CLGN: variants seen among roughly 807,000 people sequenced by gnomAD.
CLGN encodes the protein calmegin.
A neutral mutation model predicts 79.1 loss-of-function variants in CLGN; 62 were observed. That is an observed-to-expected ratio of 0.78 (90% confidence interval 0.64 to 0.97). The LOEUF is 0.97. Among genes scored for constraint, CLGN ranks in the 50% least tolerant of loss-of-function variants. The pLI, the probability that CLGN is intolerant of heterozygous loss-of-function variation, is 0.00. For missense variants in CLGN, 647 were observed against 715.5 expected (o/e 0.90, Z 1.09); for synonymous variants, 225 against 224.7 (o/e 1.00, Z -0.01).
rs752724334 is a variant in CLGN at position 140,394,061 on chromosome 4, A to C, written c.1150-20T>G. On this transcript the variant is annotated intron_variant, in intron 10 of 14. Coordinates refer to ENST00000325617, the MANE Select transcript of CLGN (RefSeq NM_004362.3). ...GATTCCCTGGAAGAAAAGTAATTGA[A>C]GACATTTTCAAATAAAATAACTTCA... is the stretch of plus-strand genomic sequence containing the variant. The C allele has an allele frequency of 3.9e-6, 6 of 1,542,068 alleles. No individual in the cohort carries two copies. Among genetic ancestry groups the C allele is most frequent in the Non-Finnish European group, 5.4e-6 (6 of 1,121,360 alleles).
rs143088078 is a variant in CLGN at position 140,400,435 on chromosome 4, C to A, written c.616G>T (p.Glu206Ter). Residue 206 changes from glutamate (E) to a stop codon, truncating the protein, a stop_gained, in exon 7 of 15, where the codon GAA becomes TAA. Transcript: ENST00000325617. LOFTEE classifies it high-confidence loss of function. ...TCTGGAGGTTTGGCATGTTTCTCTT[C>A]GAAAACTCCAGTTTTGGGATGTTTA... ...RHKHPKTGVFEEKHAKPPDVD... is the reference protein window; with the variant it reads ...RHKHPKTGVF 2 of 1,613,106 alleles carry A rather than the reference C, an allele frequency of 1.2e-6. No homozygotes were observed. The highest frequency in any genetic ancestry group is 1.7e-6 in the Non-Finnish European group (2 of 1,179,338).
At chr4:140,389,900 T>C (rs1728740936) in intron 14 of CLGN, among the ~76,000 whole-genome samples, 1 of 151,878 alleles carries the variant, frequency 6.6e-6, no homozygotes, top group South Asian at 2.1e-4. Context: ...ACTGTACTTT[T>C]ATCCTACCTA....
chr4:140,408,884 TAC>T (rs1553945585), intron 4 of CLGN, among the ~76,000 whole-genome samples: 1 of 145,556 alleles, frequency 6.9e-6, no homozygotes, highest in Admixed American at 6.9e-5. Context: ...TATATATATA[TAC>T]ACACACACAC....
At chr4:140,416,173 AC>A (rs1243361892) in intron 1 of CLGN, among the ~76,000 whole-genome samples, 1 of 36,330 alleles carries the variant, frequency 2.8e-5, no homozygotes, top group Non-Finnish European at 5.4e-5. Context: ...GACACAACAT[AC>A]CAGAATCTCT....
chr4:140,392,432 G>A (rs1400083635), intron 12 of CLGN, 54 bp from the exon 13 acceptor site: 2 of 1,529,998 alleles, frequency 1.3e-6, no homozygotes, highest in African/African-American at 2.8e-5. Flanking sequence ...TATTTTGAAA[G>A]TTTTTTTGCA....
At chr4:140,413,926 A>G (rs1169354474) in intron 1 of CLGN, among the ~76,000 whole-genome samples, 1 of 152,250 alleles carries the variant, frequency 6.6e-6, no homozygotes, top group East Asian at 1.9e-4. Context: ...ACAAAAAGAT[A>G]GCAGTAACCT....
chr4:140,399,045 G>A lies in CLGN; in HGVS notation c.695-5C>T. The A allele has an allele frequency of 6.3e-7, 1 of 1,590,978 alleles. No individual in the cohort carries two copies. Among genetic ancestry groups the A allele is most frequent in the Middle Eastern group, 1.7e-4 (1 of 5,964 alleles). ...ATGTGTCATCTGGATTCATCACTAA[G>A]GGACCAATTTAAATAAATTATAGTT... On this transcript the variant is annotated splice_region_variant and splice_polypyrimidine_tract_variant and intron_variant, in intron 7 of 14. Coordinates refer to ENST00000325617, the MANE Select transcript of CLGN (RefSeq NM_004362.3).
intron 5 of CLGN, 91 bp downstream of exon 5, chr4:140,405,851 T>A (rs1729096889): frequency 7.6e-7 from 1 of 1,307,192 alleles, no homozygotes; most frequent in African/African-American, 1.5e-5. Context: ...GATCTAGATT[T>A]TCACATCCAT....
chr4:140,408,633 T>C (rs1271208850), intron 4 of CLGN, among the ~76,000 whole-genome samples: 1 of 152,012 alleles, frequency 6.6e-6, no homozygotes, highest in Non-Finnish European at 1.5e-5. Flanking sequence ...AGATACTACG[T>C]TACCCCTGTA....
chr4:140,422,303 C>T lies in CLGN; in HGVS notation c.-10+5234G>A, dbSNP rs187415900. Among the ~76,000 whole-genome samples the T allele has an allele frequency of 1.0e-3, 155 of 152,222 alleles. 1 individual carries two copies. The highest frequency in any genetic ancestry group is 2.0e-3 in the Non-Finnish European group (136 of 68,004). On this transcript the variant is annotated intron_variant, in intron 1 of 14. Coordinates refer to ENST00000325617, the MANE Select transcript of CLGN (RefSeq NM_004362.3). ...AATTTTACTATTCTTGCAAAAAGTG[C>T]TATTAGGATTATGACAGGGATTGCA...
chr4:140,417,358 A>G (rs1195363240), intron 1 of CLGN, among the ~76,000 whole-genome samples: 1 of 143,644 alleles, frequency 7.0e-6, no homozygotes, highest in African/African-American at 2.6e-5. Flanking sequence ...CAGGGCAATT[A>G]GGCAGGAGAA....
At position 140,413,078 on chromosome 4, in the gene CLGN, TATTG is replaced by T. The variant is rs1339976309; in HGVS notation, c.-4_-1del. On this transcript the variant is annotated 5_prime_UTR_variant, in exon 2 of 15. Transcript: ENST00000325617. Reference sequence around the variant, plus strand: ...CATAGCCAAAAGGCTTGGAAATGCATATTGATTATCTGTGAAATTAAAAGTAATT... The same window carrying T: ...CATAGCCAAAAGGCTTGGAAATGCATATTATCTGTGAAATTAAAAGTAATT... 1.2e-6 allele frequency: 2 copies of T among 1,606,890 alleles called. No individual in the cohort carries two copies. The highest frequency in any genetic ancestry group is 1.7e-5 in the Admixed American group (1 of 57,930).
rs1203975433 is a variant in CLGN at position 140,392,227 on chromosome 4, A to G, written c.1643T>C (p.Leu548Pro). ...CACTCTCATCATCTTACCTTTTTCA[A>G]GCATTTCACCATCATTTTGCTTTTT... ...EEKKQNDGEM[L>P]EKEEESEPEE... is the part of the protein sequence containing the mutation. Residue 548 changes from leucine to proline, a missense_variant, in exon 13 of 15, where the codon CTT (leucine) becomes CCT (proline). Coordinates refer to ENST00000325617, the MANE Select transcript of CLGN (RefSeq NM_004362.3). 6.2e-7 allele frequency: 1 copy of G among 1,611,968 alleles called. No homozygotes were observed. The highest frequency in any genetic ancestry group is 2.2e-5 in the East Asian group (1 of 44,810).
At chr4:140,395,435 C>G (rs546730634) in intron 10 of CLGN, among the ~76,000 whole-genome samples, 7 of 152,008 alleles carry the variant, frequency 4.6e-5, no homozygotes, top group Non-Finnish European at 1.0e-4. Context: ...CATGAGCCAC[C>G]GTACCTGGCC....
chr4:140,398,150 T>TA (rs1728928898), intron 8 of CLGN, among the ~76,000 whole-genome samples: 4 of 152,056 alleles, frequency 2.6e-5, no homozygotes, highest in Admixed American at 2.6e-4. Context: ...AACCAAAAGT[T>TA]AAAATTTAAT....
chr4:140,413,405 C>G (rs972669817), intron 1 of CLGN, among the ~76,000 whole-genome samples: 3 of 152,154 alleles, frequency 2.0e-5, no homozygotes, highest in Admixed American at 6.5e-5. Context: ...GTGTGAGCGA[C>G]GCAGAAGACG....
chr4:140,413,415 G>A (rs138802880), intron 1 of CLGN, among the ~76,000 whole-genome samples: 2 of 152,270 alleles, frequency 1.3e-5, no homozygotes, highest in Admixed American at 6.5e-5. Flanking sequence ...CGCAGAAGAC[G>A]GGTGATTTCT....
At chr4:140,424,564 GTTGT>G (rs1729527326) in intron 1 of CLGN, among the ~76,000 whole-genome samples, 2 of 152,098 alleles carry the variant, frequency 1.3e-5, no homozygotes, top group South Asian at 4.1e-4. Context: ...GATCTGTATG[GTTGT>G]TTAAGTTATA....
chr4:140,423,489 T>A (rs576592032), intron 1 of CLGN, among the ~76,000 whole-genome samples: 1 of 152,352 alleles, frequency 6.6e-6, no homozygotes, highest in African/African-American at 2.4e-5. Context: ...TATTGCTCTG[T>A]AGTTTTCTTG....
Sources: allele counts gnomAD v4.1 joint callset (sites outside exome capture counted in the v4.1 genomes callset), GRCh38; gene constraint gnomAD v4.1.1; transcripts MANE v1.5; gene names NCBI Gene and HGNC (gene_info 2026-07-23, HGNC 2026-07-21).